DUXB: variants seen among roughly 807,000 people sequenced by gnomAD.
DUXB encodes double homeobox B.
DUXB carries 22 observed loss-of-function variants against 8.9 expected under a neutral mutation model. That is an observed-to-expected ratio of 2.46 (90% CI 1.76 to 3.52). The LOEUF (loss-of-function observed/expected upper bound fraction) is 3.52, where lower values mean the gene tolerates loss of function less well. DUXB is among the 30% of genes most tolerant of loss of function. The pLI, the probability that DUXB is intolerant of heterozygous loss-of-function variation, is 0.00. For synonymous variants in DUXB, 84 were observed against 37.6 expected (o/e 2.23, Z -4.52); for missense variants, 237 against 108.7 (o/e 2.18, Z -5.25).
chr16:75,697,082 T>A, intron 2 of DUXB, 139 bp from the exon 3 acceptor site: 1 of 604,456 alleles, frequency 1.7e-6, no homozygotes, highest in Non-Finnish European at 2.9e-6. Context: ...TCCATTATCC[T>A]AGGAATGATG....
At chr16:75,695,936 T>C (rs2082602568) in intron 4 of DUXB, 25 bp downstream of exon 4, 1 of 702,812 alleles carries the variant, frequency 1.4e-6, no homozygotes, top group East Asian at 2.7e-5. Flanking sequence ...CAGGACATAG[T>C]TGGGATCACA....
intron 2 of DUXB, among the ~76,000 whole-genome samples, chr16:75,699,529 C>A (rs1959199188): frequency 6.6e-6 from 1 of 151,854 alleles, no homozygotes; most frequent in African/African-American, 2.4e-5. Flanking sequence ...ATACATAAAC[C>A]GCATCCTTGT....
Position 75,694,409 on chromosome 16 carries a change from G to A in DUXB, c.558C>T (p.Ile186=). ...RPDATVGWHP[I]NLFLPTDSSH... is the part of the protein sequence containing the mutation. ...AGCTGTCTGTGGGGAGGAACAGGTT[G>A]ATTGGATGCCACCCAACAGTTGCAT... Residue 186 remains isoleucine, a synonymous_variant, in exon 5 of 5, where the codon ATC becomes ATT. Transcript: ENST00000633875. 1.4e-6 allele frequency: 1 copy of A among 698,410 alleles called. No homozygotes were observed. The highest frequency in any genetic ancestry group is 1.5e-5 in the South Asian group (1 of 66,542). 43.3% of individuals were successfully genotyped at this position (698,410 alleles called of 1,614,324 possible). A position where few individuals can be genotyped will look rare whatever the true frequency, so the allele number is the denominator to read the frequency against.
chr16:75,698,418 G>T (rs1450769394), intron 2 of DUXB: 3 of 152,144 alleles, frequency 2.0e-5, no homozygotes, highest in African/African-American at 7.2e-5. Context: ...GCAAAACCCA[G>T]AACTCATTAT....
chr16:75,696,681 A>G (rs2082610072), intron 3 of DUXB, among the ~76,000 whole-genome samples, 157 bp downstream of exon 3: 1 of 152,194 alleles, frequency 6.6e-6, no homozygotes, highest in African/African-American at 2.4e-5. Context: ...TTACTTCTAT[A>G]ACAAACTTAC....
Position 75,694,462 on chromosome 16 carries a change from A to G in DUXB, c.505T>C (p.Leu169=), listed in dbSNP as rs2082588881. ...GGTCTCTCATTTGGGTCGTCTACCA[A>G]TAAATTCATGGGCTCCATTCTGCTC... ...KKSRMEPMNL[L]VDDPNERPDA... is the part of the protein sequence containing the mutation. Residue 169 remains leucine (L), a synonymous_variant, in exon 5 of 5, where the codon TTG becomes CTG. Coordinates refer to ENST00000633875, the MANE Select transcript of DUXB (RefSeq NM_001351307.2). 3 of 703,078 alleles carry G rather than the reference A, an allele frequency of 4.3e-6. No individual in the cohort carries two copies. Among genetic ancestry groups the G allele is most frequent in the Non-Finnish European group, 7.8e-6 (3 of 385,010 alleles). The allele number at this position is 703,078 out of a possible 1,614,324, so 43.6% of individuals were successfully genotyped here.
intron 2 of DUXB, among the ~76,000 whole-genome samples, chr16:75,698,098 G>C (rs1322591088): frequency 2.6e-5 from 4 of 152,166 alleles, no homozygotes; most frequent in Non-Finnish European, 5.9e-5. Context: ...TTTTAGTTAA[G>C]AAATCTTAAG....
intron 2 of DUXB, among the ~76,000 whole-genome samples, chr16:75,697,210 T>TAA (rs2082615197): frequency 6.6e-6 from 1 of 152,178 alleles, no homozygotes; most frequent in South Asian, 2.1e-4. Context: ...TAGGAGACCC[T>TAA]ATGAGGTCTC....
intron 2 of DUXB, among the ~76,000 whole-genome samples, chr16:75,697,150 T>C (rs1293845611): frequency 3.3e-5 from 5 of 152,168 alleles, no homozygotes; most frequent in Non-Finnish European, 7.3e-5. Flanking sequence ...TCAAAGGAGC[T>C]TTTCTTTCAT....
Position 75,700,083 on chromosome 16 carries a change from G to C in DUXB, c.112C>G (p.Pro38Ala). The stretch of plus-strand genomic sequence containing the variant: ...TCTCTGGCAGCTTTATCAGGGAAAG[G>C]GTCATGTTGAAACCATGATTGGAGG... ...DILQSWFQHDPFPDKAAREQL... is the reference protein window; with the variant it reads ...DILQSWFQHDAFPDKAAREQL... The change falls in exon 2 of 5, where the codon CCT becomes GCT. Residue 38 changes from proline (P) to alanine (A), a missense_variant. Physicochemically the swap from Pro to Ala is conservative, Grantham distance 27 (BLOSUM62 -1). Coordinates refer to ENST00000633875, the MANE Select transcript of DUXB (RefSeq NM_001351307.2). 1 of 702,634 alleles carries C rather than the reference G, an allele frequency of 1.4e-6. No homozygotes were observed. The highest frequency in any genetic ancestry group is 2.6e-6 in the Non-Finnish European group (1 of 384,888). The allele number at this position is 702,634 out of a possible 1,614,324, so 43.5% of individuals were successfully genotyped here.
At chr16:75,698,097 A>T (rs925980391) in intron 2 of DUXB, among the ~76,000 whole-genome samples, 1 of 152,250 alleles carries the variant, frequency 6.6e-6, no homozygotes, top group Non-Finnish European at 1.5e-5. Context: ...GTTTTAGTTA[A>T]GAAATCTTAA....
chr16:75,694,761 A>G (rs1276441643), intron 4 of DUXB, among the ~76,000 whole-genome samples: 1 of 152,234 alleles, frequency 6.6e-6, no homozygotes, highest in African/African-American at 2.4e-5. Context: ...AAAATAATAC[A>G]AAGAAAAATA....
chr16:75,695,821 T>C, intron 4 of DUXB, 140 bp downstream of exon 4: 1 of 597,210 alleles, frequency 1.7e-6, no homozygotes, highest in Admixed American at 3.0e-5. Flanking sequence ...AACGGGACTT[T>C]CAGTGCCAGG....
intron 3 of DUXB, 113 bp downstream of exon 3, chr16:75,696,725 A>G (rs2082610466): frequency 1.6e-6 from 1 of 607,566 alleles, no homozygotes; most frequent in Admixed American, 3.1e-5. Flanking sequence ...TAATGTTTCT[A>G]TCTCTGGTCA....
rs116930125 is a variant in DUXB at position 75,700,310 on chromosome 16, A to G, written c.26-141T>C. On this transcript the variant is annotated intron_variant, in intron 1 of 4. Transcript: ENST00000633875. ...AGTGCAGTGATGCAGTTTCGGGTCA[A>G]TGCGACCTCCGCTCCTGGGTTCAAG... is the stretch of plus-strand genomic sequence containing the variant. 181 of 515,854 alleles carry G rather than the reference A, an allele frequency of 3.5e-4. 1 individual carries two copies. In the Admixed American group the frequency reaches 5.0e-3, roughly 14 times the overall value. 32.0% of individuals were successfully genotyped at this position (515,854 alleles called of 1,614,324 possible).
At chr16:75,695,875 C>G (rs2082601690) in intron 4 of DUXB, 86 bp downstream of exon 4, 1 of 662,120 alleles carries the variant, frequency 1.5e-6, no homozygotes, top group African/African-American at 1.8e-5. Context: ...TTTGATAACC[C>G]AAGTCAGCTG....
chr16:75,696,105 A>T lies in DUXB; in HGVS notation c.297T>A (p.Pro99=). Residue 99 remains proline (P), a synonymous_variant, in exon 4 of 5, where the codon CCT becomes CCA. Transcript: ENST00000633875. ...QSQHLTQEYL[P]KEARQKQTFI... ...ATGTCTGTTTTTGTCGGGCTTCTTT[A>T]GGTAAGTATTCTAAAGGAGAACACA... 1 of 701,880 alleles carries T rather than the reference A, an allele frequency of 1.4e-6. No individual in the cohort carries two copies. The highest frequency in any genetic ancestry group is 2.6e-6 in the Non-Finnish European group (1 of 384,952). The allele number at this position is 701,880 out of a possible 1,614,324, so 43.5% of individuals were successfully genotyped here.
At chr16:75,694,917 G>C (rs1047459823) in intron 4 of DUXB, among the ~76,000 whole-genome samples, 3 of 152,154 alleles carry the variant, frequency 2.0e-5, no homozygotes, top group African/African-American at 7.2e-5. Context: ...CTTGGAGTTT[G>C]GTATTCAGGA....
At chr16:75,698,397 A>G (rs925897724) in intron 2 of DUXB, 1 of 152,260 alleles carries the variant, frequency 6.6e-6, no homozygotes, top group Non-Finnish European at 1.5e-5. Context: ...GTTGGAGACT[A>G]TACATATGAT....
Sources: allele counts gnomAD v4.1 joint callset (sites outside exome capture counted in the v4.1 genomes callset), GRCh38; gene constraint gnomAD v4.1.1; transcripts MANE v1.5; gene names NCBI Gene and HGNC (gene_info 2026-07-23, HGNC 2026-07-21).